Variants in SLC15A1 observed in about 807,000 individuals in gnomAD.
SLC15A1 encodes the protein solute carrier family 15 member 1, also known as Caco-2 oligopeptide transporter.
SLC15A1 carries 83 observed loss-of-function variants against 92.9 expected under a neutral mutation model. The ratio of observed to expected loss-of-function variants is 0.89; its 90% CI spans 0.75 to 1.07. The LOEUF is 1.07. Ranked by LOEUF, SLC15A1 falls within the 50% of genes least tolerant of loss-of-function variation. The pLI is 0.00. For missense variants in SLC15A1, 857 were observed against 880.1 expected (o/e 0.97, Z 0.33); for synonymous variants, 322 against 318.2 (o/e 1.01, Z -0.13).
In SLC15A1 at chr13:98,704,327, G is replaced by T. The variant is rs757075871; in HGVS notation, c.1378C>A (p.His460Asn). 1.2e-6 allele frequency: 2 copies of T among 1,613,544 alleles called. No individual in the cohort carries two copies. Among genetic ancestry groups the T allele is most frequent in the African/African-American group, 2.7e-5 (2 of 74,880 alleles). ...TTGGGGGCCCACACTAGAAGCGTGTGGCGTTGGCCCTGCTTGAAGTCGTCA... is the reference window on the plus strand; with the variant it reads ...TTGGGGGCCCACACTAGAAGCGTGTTGCGTTGGCCCTGCTTGAAGTCGTCA... ...VTDDFKQGQR[H>N]TLLVWAPNHY... Residue 460 changes from histidine (H) to asparagine (N), a missense_variant, in exon 17 of 23, where the codon CAC becomes AAC. Coordinates refer to ENST00000376503, the MANE Select transcript of SLC15A1 (RefSeq NM_005073.4).
intron 15 of SLC15A1, among the ~76,000 whole-genome samples, chr13:98,706,930 T>C (rs965227357): frequency 4.6e-5 from 7 of 151,858 alleles, no homozygotes; most frequent in African/African-American, 1.7e-4. Context: ...ACAAATATCC[T>C]TCTTGTCATG....
intron 21 of SLC15A1, among the ~76,000 whole-genome samples, chr13:98,687,147 C>T (rs9517405): frequency 1.3e-5 from 2 of 151,808 alleles, no homozygotes; most frequent in Non-Finnish European, 2.9e-5. Context: ...ATTTTTAAAG[C>T]TAGACCTTAT....
chr13:98,738,281 T>C (rs1172268649), intron 1 of SLC15A1, among the ~76,000 whole-genome samples: 3 of 152,228 alleles, frequency 2.0e-5, no homozygotes, highest in African/African-American at 4.8e-5. Flanking sequence ...AGCAGAGGAA[T>C]TCAAGCAGGC....
At position 98,719,243 on chromosome 13, in the gene SLC15A1, C is replaced by A. The variant is rs1446778479; in HGVS notation, c.634G>T (p.Ala212Ser). 6.2e-7 allele frequency: 1 copy of A among 1,612,800 alleles called. No homozygotes were observed. The highest frequency in any genetic ancestry group is 2.2e-5 in the East Asian group (1 of 44,864). Residue 212 changes from alanine to serine, a missense_variant, in exon 8 of 23, where the codon GCC (alanine) becomes TCC (serine). Coordinates refer to ENST00000376503, the MANE Select transcript of SLC15A1 (RefSeq NM_005073.4). The stretch of plus-strand genomic sequence containing the variant: ...TCAACCGATTTCCACTTACTCAGGG[C>A]TACAGCCATGAGAGCAGCAGGAACC... ...FGVPAALMAV[A>S]LIVFVLGSGM...
intron 8 of SLC15A1, among the ~76,000 whole-genome samples, chr13:98,718,001 T>C (rs1357441630): frequency 1.3e-5 from 2 of 149,464 alleles, no homozygotes; most frequent in African/African-American, 4.9e-5. Context: ...CGAATAGACA[T>C]ATATGTTCTG....
At chr13:98,726,949 T>C (rs933374185) in intron 1 of SLC15A1, 90 bp from the exon 2 acceptor site, 71 of 1,288,806 alleles carry the variant, frequency 5.5e-5, no homozygotes, top group Non-Finnish European at 7.6e-5. Flanking sequence ...CTTTTTAGGG[T>C]GGTCAGAGGG....
chr13:98,752,536 C>T, intron 1 of SLC15A1, 59 bp downstream of exon 1: 10 of 1,266,374 alleles, frequency 7.9e-6, no homozygotes, highest in Non-Finnish European at 9.0e-6. Flanking sequence ...CGGTGCCGGC[C>T]CCCGCCCCGC....
intron 1 of SLC15A1, among the ~76,000 whole-genome samples, chr13:98,751,932 C>T (rs2139620148): frequency 6.6e-6 from 1 of 152,372 alleles, no homozygotes; most frequent in Admixed American, 6.5e-5. Flanking sequence ...TCTGGCTCTG[C>T]TTCCGTTCAT....
chr13:98,714,570 G>A (rs1290183879), intron 9 of SLC15A1, among the ~76,000 whole-genome samples: 2 of 144,030 alleles, frequency 1.4e-5, no homozygotes, highest in South Asian at 2.1e-4. Context: ...CAGGAGAATC[G>A]CTTGAACTGG....
rs1424900479 is a variant in SLC15A1 at position 98,722,394 on chromosome 13, T to G, written c.366-491A>C. Among the ~76,000 whole-genome samples the G allele has an allele frequency of 3.9e-5, 6 of 152,218 alleles. No individual in the cohort carries two copies. In the East Asian group the frequency reaches 1.2e-3, roughly 29 times the overall value. ...ACTGGAAGGAAATAGACTAAAAGAT[T>G]TATTGTCATGTCTAGATGGTGGGAT... On this transcript the variant is annotated intron_variant, in intron 5 of 22. Coordinates refer to ENST00000376503, the MANE Select transcript of SLC15A1 (RefSeq NM_005073.4).
intron 1 of SLC15A1, among the ~76,000 whole-genome samples, chr13:98,735,013 T>C (rs930536151): frequency 1.3e-5 from 2 of 152,212 alleles, no homozygotes; most frequent in Admixed American, 6.5e-5. Flanking sequence ...TACCAAAGTC[T>C]GGCAGAGACA....
At chr13:98,714,440 T>C (rs2088194741) in intron 9 of SLC15A1, among the ~76,000 whole-genome samples, 1 of 152,030 alleles carries the variant, frequency 6.6e-6, no homozygotes, top group Non-Finnish European at 1.5e-5. Context: ...GCGGATCACC[T>C]GAGGTCAGGG....
intron 2 of SLC15A1, 39 bp from the exon 3 acceptor site, chr13:98,726,488 C>T (rs375352491): frequency 8.9e-6 from 14 of 1,570,958 alleles, no homozygotes; most frequent in Non-Finnish European, 8.7e-6. Context: ...GAAATACACC[C>T]CCCACTGGTC....
chr13:98,716,123 C>T (rs1164242024), intron 8 of SLC15A1, among the ~76,000 whole-genome samples, 163 bp from the exon 9 acceptor site: 1 of 152,172 alleles, frequency 6.6e-6, no homozygotes, highest in African/African-American at 2.4e-5. Flanking sequence ...GTGCTTTTAA[C>T]TCTCACAATC....
chr13:98,719,567 C>T (rs73567988), intron 7 of SLC15A1, among the ~76,000 whole-genome samples: 3,254 of 152,262 alleles, frequency 0.021, 41 homozygotes, highest in Middle Eastern at 0.044. Context: ...CCAAAATCAG[C>T]GGCCCCCTCT....
rs1481561687 is a variant in SLC15A1, at chr13:98,688,327, A to C, written c.1604T>G (p.Ile535Ser). The stretch of plus-strand genomic sequence containing the variant: ...GAAATTAGGTTGACATTGTGGCGGA[A>C]TCTCTGTTGAGCTTATTGTGAAGCC... ...IKGFTISSTE[I>S]PPQCQPNFNT... The change falls in exon 20 of 23, where the codon ATT becomes AGT. Residue 535 changes from isoleucine (I) to serine (S), a missense_variant. Physicochemically the swap from Ile to Ser is moderately radical, Grantham distance 142. Coordinates refer to ENST00000376503, the MANE Select transcript of SLC15A1 (RefSeq NM_005073.4). 2 of 1,613,946 alleles carry C rather than the reference A, an allele frequency of 1.2e-6. No individual in the cohort carries two copies. Among genetic ancestry groups the C allele is most frequent in the Non-Finnish European group, 1.7e-6 (2 of 1,179,984 alleles).
chr13:98,749,152 A>G (rs1331369988), intron 1 of SLC15A1, among the ~76,000 whole-genome samples: 1 of 152,234 alleles, frequency 6.6e-6, no homozygotes. Flanking sequence ...TGGTACTTCA[A>G]TATTGTTCTT....
At chr13:98,732,961 G>A (rs974893539) in intron 1 of SLC15A1, among the ~76,000 whole-genome samples, 8 of 152,260 alleles carry the variant, frequency 5.3e-5, no homozygotes, top group African/African-American at 1.9e-4. Context: ...TAAGTTAGGG[G>A]CCTTGAGATA....
intron 15 of SLC15A1, among the ~76,000 whole-genome samples, chr13:98,708,028 T>C (rs2088128369): frequency 6.6e-6 from 1 of 151,862 alleles, no homozygotes; most frequent in Non-Finnish European, 1.5e-5. Context: ...AGCCAGTCTT[T>C]ATTCCTCTAC....
Sources: allele counts gnomAD v4.1 joint callset (sites outside exome capture counted in the v4.1 genomes callset), GRCh38; gene constraint gnomAD v4.1.1; transcripts MANE v1.5; gene names NCBI Gene and HGNC (gene_info 2026-07-23, HGNC 2026-07-21).